OTOGL: variants seen among roughly 807,000 people sequenced by gnomAD.
OTOGL encodes the protein otogelin-like protein.
In OTOGL, 285 loss-of-function variants were observed where a neutral mutation model predicts 318.5. The observed-to-expected ratio is 0.89, with a 90% CI of 0.81 to 0.99. OTOGL has a LOEUF of 0.99. OTOGL is among the 50% of genes least tolerant of loss of function. OTOGL has a pLI of 0.00. For missense variants in OTOGL, 2,899 were observed against 2,845.6 expected, an observed-to-expected ratio of 1.02 and a Z score of -0.43; for synonymous variants, 987 against 936.5, an observed-to-expected ratio of 1.05 and a Z score of -0.99.
At chr12:80,125,681 G>A (rs1870782902) in intron 1 of OTOGL, among the ~76,000 whole-genome samples, 2 of 152,028 alleles carry the variant, frequency 1.3e-5, no homozygotes, top group East Asian at 1.9e-4. Context: ...ACTTTTTTTG[G>A]TTGGTAAGCT....
intron 11 of OTOGL, among the ~76,000 whole-genome samples, chr12:80,242,293 G>C (rs1172608755): frequency 6.6e-6 from 1 of 152,184 alleles, no homozygotes; most frequent in Non-Finnish European, 1.5e-5. Context: ...TAGCAGGATA[G>C]AGAAGCAACT....
At chr12:80,300,296 C>A (rs1179087374) in intron 27 of OTOGL, among the ~76,000 whole-genome samples, 4 of 151,726 alleles carry the variant, frequency 2.6e-5, no homozygotes, top group Middle Eastern at 3.2e-3. Context: ...TGCTGAGGGC[C>A]TTCCTTGCCT....
intron 52 of OTOGL, among the ~76,000 whole-genome samples, chr12:80,364,657 G>T (rs550628330): frequency 1.3e-5 from 2 of 152,206 alleles, no homozygotes; most frequent in East Asian, 1.9e-4. Flanking sequence ...CCTATAAAGA[G>T]AATTGTATAA....
chr12:80,110,847 G>T (rs950813348), intron 1 of OTOGL, among the ~76,000 whole-genome samples: 3 of 152,174 alleles, frequency 2.0e-5, no homozygotes, highest in African/African-American at 7.2e-5. Flanking sequence ...CACAATGGTT[G>T]AACTAATTTA....
intron 1 of OTOGL, among the ~76,000 whole-genome samples, chr12:80,140,640 CAT>C (rs1216718738): frequency 6.6e-6 from 1 of 152,142 alleles, no homozygotes; most frequent in Non-Finnish European, 1.5e-5. Context: ...TCAGTCTCCT[CAT>C]ATATAAAATG....
At chr12:80,373,569 A>C (rs1424636741) in intron 57 of OTOGL, among the ~76,000 whole-genome samples, 1 of 152,128 alleles carries the variant, frequency 6.6e-6, no homozygotes, top group Non-Finnish European at 1.5e-5. Context: ...ATAAATATGT[A>C]AGAGTAGTCT....
chr12:80,328,598 T>C, intron 35 of OTOGL, 67 bp from the exon 36 acceptor site: 2 of 1,170,890 alleles, frequency 1.7e-6, no homozygotes, highest in Non-Finnish European at 2.5e-6. Context: ...ATATGTTAAA[T>C]GTAGTCCTTT....
chr12:80,253,579 G>A lies in OTOGL; in HGVS notation c.1394+5G>A. The A allele has an allele frequency of 6.3e-7, 1 of 1,588,468 alleles. No homozygotes were observed. On this transcript the variant is annotated splice_donor_5th_base_variant and intron_variant, in intron 14 of 58. Transcript: ENST00000547103. ...TGAACAAGAATGTACTGAATGGTAT[G>A]TGATCAGTGTGCAGCCAATTATTTC...
chr12:80,130,082 A>G (rs560155903), intron 1 of OTOGL, among the ~76,000 whole-genome samples: 156 of 151,998 alleles, frequency 1.0e-3, no homozygotes, highest in Middle Eastern at 3.4e-3. Flanking sequence ...GTCCAAGTCT[A>G]TGTCATACTT....
chr12:80,369,147 T>A (rs879311663), intron 55 of OTOGL, among the ~76,000 whole-genome samples: 7 of 152,052 alleles, frequency 4.6e-5, no homozygotes, highest in Admixed American at 1.3e-4. Flanking sequence ...ATTTAACTCA[T>A]GAATTTCTCA....
intron 1 of OTOGL, among the ~76,000 whole-genome samples, chr12:80,198,566 G>T (rs1030336796): frequency 6.6e-6 from 1 of 152,050 alleles, no homozygotes; most frequent in Non-Finnish European, 1.5e-5. Context: ...CTTGGCGACA[G>T]AGCAAGACTC....
chr12:80,125,875 G>A (rs1213034137), intron 1 of OTOGL, among the ~76,000 whole-genome samples: 16 of 151,988 alleles, frequency 1.1e-4, no homozygotes, highest in African/African-American at 2.7e-4. Flanking sequence ...CTGTGGGATC[G>A]GTGGTGATAT....
intron 7 of OTOGL, among the ~76,000 whole-genome samples, chr12:80,224,346 T>C (rs1878628928): frequency 6.6e-6 from 1 of 152,166 alleles, no homozygotes; most frequent in African/African-American, 2.4e-5. Context: ...TGAAGTCGGG[T>C]AATGTAATGC....
rs957885616 is a variant in OTOGL at position 80,152,453 on chromosome 12, T to C, written c.-20+52848T>C. On this transcript the variant is annotated intron_variant, in intron 1 of 58. Coordinates refer to ENST00000547103, the MANE Select transcript of OTOGL (RefSeq NM_001378609.3). ...GCTGAAAGGTCAGAGGTACTAAAACTAATAGTGACAGAAGCATGGTATGTT... is the reference window on the plus strand; with the variant it reads ...GCTGAAAGGTCAGAGGTACTAAAACCAATAGTGACAGAAGCATGGTATGTT... Among the ~76,000 whole-genome samples the C allele has an allele frequency of 4.6e-5, 7 of 152,076 alleles. No individual in the cohort carries two copies. In the East Asian group the frequency reaches 1.4e-3, roughly 29 times the overall value.
chr12:80,211,431 C>T (rs1446008049), intron 3 of OTOGL, among the ~76,000 whole-genome samples: 2 of 152,036 alleles, frequency 1.3e-5, no homozygotes, highest in Non-Finnish European at 2.9e-5. Flanking sequence ...AACACAAAAA[C>T]AGAAAACATT....
intron 3 of OTOGL, among the ~76,000 whole-genome samples, chr12:80,211,425 CA>C (rs1315450214): frequency 6.6e-6 from 1 of 151,958 alleles, no homozygotes; most frequent in Non-Finnish European, 1.5e-5. Context: ...AAATATAACA[CA>C]AAAACAGAAA....
chr12:80,126,488 G>A (rs867834787), intron 1 of OTOGL, among the ~76,000 whole-genome samples: 3 of 152,142 alleles, frequency 2.0e-5, no homozygotes, highest in Non-Finnish European at 4.4e-5. Flanking sequence ...AATAGGTGTG[G>A]TGTGGTGCTG....
chr12:80,366,354 G>A, intron 52 of OTOGL: 1 of 461,646 alleles, frequency 2.2e-6, no homozygotes, highest in Non-Finnish European at 4.3e-6. Flanking sequence ...AGTTCCTAAG[G>A]TTGGCAAATG....
Position 80,367,611 on chromosome 12 carries a change from CA to C in OTOGL, c.6384del (p.Gln2128HisfsTer3). On this transcript the variant is annotated frameshift_variant, in exon 54 of 59. Transcript: ENST00000547103. LOFTEE classifies it high-confidence loss of function. ...AGAAGTATCAGTATTGAATCCTGGA[CA>C]ATCCATGATAAAGTATTTGGAAGAA... ...FQEVSVLNPG[Q>X]SMIKYLEEDF... The C allele has an allele frequency of 6.5e-7, 1 of 1,545,868 alleles. No homozygotes were observed. Among genetic ancestry groups the C allele is most frequent in the Non-Finnish European group, 8.8e-7 (1 of 1,137,162 alleles).
Sources: allele counts gnomAD v4.1 joint callset (sites outside exome capture counted in the v4.1 genomes callset), GRCh38; gene constraint gnomAD v4.1.1; transcripts MANE v1.5; gene names NCBI Gene and HGNC (gene_info 2026-07-23, HGNC 2026-07-21).